Variants in GCNT1 observed in about 807,000 individuals in gnomAD.
The protein encoded by GCNT1 is glucosaminyl (N-acetyl) transferase 1.
A neutral mutation model predicts 26.2 loss-of-function variants in GCNT1; 16 were observed. That is an observed-to-expected ratio of 0.61 (90% CI 0.41 to 0.93). The LOEUF (loss-of-function observed/expected upper bound fraction) is 0.93, where lower values mean the gene tolerates loss of function less well. Ranked by LOEUF, GCNT1 falls within the 40% of genes least tolerant of loss-of-function variation. The pLI is 0.00. For missense variants in GCNT1, 477 were observed against 526.7 expected (o/e 0.91, Z 0.92); for synonymous variants, 183 against 190.8 (o/e 0.96, Z 0.34).
At chr9:76,477,381 C>G (rs1471875014) in intron 2 of GCNT1, among the ~76,000 whole-genome samples, 1 of 151,952 alleles carries the variant, frequency 6.6e-6, no homozygotes, top group African/African-American at 2.4e-5. Flanking sequence ...CAAAAATTAG[C>G]TAGGCATGGT....
At chr9:76,494,705 A>G (rs1824854414) in intron 2 of GCNT1, among the ~76,000 whole-genome samples, 1 of 152,220 alleles carries the variant, frequency 6.6e-6, no homozygotes, top group South Asian at 2.1e-4. Context: ...AATAGGGACT[A>G]GCCTCGGAGA....
chr9:76,472,951 G>A (rs961912109), intron 2 of GCNT1, among the ~76,000 whole-genome samples: 1 of 152,010 alleles, frequency 6.6e-6, no homozygotes, highest in African/African-American at 2.4e-5. Flanking sequence ...GTTTCACCAC[G>A]TTGGCCGGGG....
At chr9:76,435,541 G>C (rs1194841085) in intron 1 of GCNT1, among the ~76,000 whole-genome samples, 1 of 152,150 alleles carries the variant, frequency 6.6e-6, no homozygotes, top group African/African-American at 2.4e-5. Flanking sequence ...AGCAAGTTTG[G>C]TTTCTGGTGA....
chr9:76,444,325 G>A (rs545908587), intron 1 of GCNT1, among the ~76,000 whole-genome samples: 1 of 152,290 alleles, frequency 6.6e-6, no homozygotes, highest in African/African-American at 2.4e-5. Context: ...AACAGCATGA[G>A]GTTGGATGAG....
At chr9:76,436,302 G>A (rs1238938839) in intron 1 of GCNT1, among the ~76,000 whole-genome samples, 3 of 151,932 alleles carry the variant, frequency 2.0e-5, no homozygotes, top group Non-Finnish European at 4.4e-5. Context: ...TGGGAATTTG[G>A]GGGAAATTAC....
chr9:76,447,741 A>G (rs1823600838), intron 1 of GCNT1, among the ~76,000 whole-genome samples: 1 of 152,156 alleles, frequency 6.6e-6, no homozygotes, highest in African/African-American at 2.4e-5. Flanking sequence ...TTATATCTAG[A>G]ACATTCTTGT....
chr9:76,427,713 T>C (rs986911400), intron 1 of GCNT1, among the ~76,000 whole-genome samples: 10 of 152,234 alleles, frequency 6.6e-5, no homozygotes, highest in Non-Finnish European at 1.2e-4. Context: ...GTTTAGGAAA[T>C]GTTAGCTCTT....
rs1554734671 is a variant in GCNT1, at chr9:76,472,747, TTC to T, written c.-290+12572_-290+12573del. ...TTCTTTTCTTTTCTTTTCTTTTCTT[TTC>T]TTTTTTTTTTTTTTTTTGAGATGGA... is the stretch of plus-strand genomic sequence containing the variant. On this transcript the variant is annotated intron_variant, in intron 2 of 3. Transcript: ENST00000376730. 3.5e-3 allele frequency among the ~76,000 whole-genome samples: 150 copies of T among 43,262 alleles called. 3 individuals carry two copies. Among genetic ancestry groups the T allele is most frequent in the African/African-American group, 6.3e-3 (24 of 3,838 alleles). 28.4% of individuals were successfully genotyped at this position (43,262 alleles called of 152,430 possible).
chr9:76,421,654 G>T (rs1823196713), intron 1 of GCNT1, among the ~76,000 whole-genome samples: 4 of 114,238 alleles, frequency 3.5e-5, no homozygotes, highest in Admixed American at 9.0e-5. Flanking sequence ...ACAATTTAAT[G>T]TCTTATTGAT....
At chr9:76,487,569 T>C (rs553252676) in intron 2 of GCNT1, among the ~76,000 whole-genome samples, 1 of 152,242 alleles carries the variant, frequency 6.6e-6, no homozygotes, top group Non-Finnish European at 1.5e-5. Flanking sequence ...AGTTTTGTCT[T>C]CTTGAAGATG....
At chr9:76,417,658 G>A (rs1823144619), upstream of GCNT1, among the ~76,000 whole-genome samples, 1 of 152,180 alleles carries the variant, frequency 6.6e-6, no homozygotes, top group African/African-American at 2.4e-5. Context: ...GGGAGCCAAA[G>A]GCATCTGTAT....
rs1397099649 is a variant in GCNT1, at chr9:76,503,422, G to A, written c.1041G>A (p.Met347Ile). 6.2e-7 allele frequency: 1 copy of A among 1,614,164 alleles called. No homozygotes were observed. Among genetic ancestry groups the A allele is most frequent in the East Asian group, 2.2e-5 (1 of 44,882 alleles). ...PASHKYDLSDMQAVARFVKWQ... is the reference protein window; with the variant it reads ...PASHKYDLSDIQAVARFVKWQ... ...GCCATAAGTATGATCTGTCTGACAT[G>A]CAAGCAGTTGCCAGGTTTGTCAAGT... is the stretch of plus-strand genomic sequence containing the variant. Residue 347 changes from methionine (M) to isoleucine (I), a missense_variant, in exon 4 of 4, where the codon ATG (methionine) becomes ATA (isoleucine). Physicochemically the swap from Met to Ile is conservative, Grantham distance 10. Coordinates refer to ENST00000376730, the MANE Select transcript of GCNT1 (RefSeq NM_001490.5).
chr9:76,479,995 A>G (rs944086081), intron 2 of GCNT1, among the ~76,000 whole-genome samples: 5 of 152,198 alleles, frequency 3.3e-5, no homozygotes, highest in African/African-American at 1.2e-4. Context: ...TAGGTCTAAC[A>G]TTTAATTCTT....
chr9:76,393,880 C>T, the GCNT1 span: 5 of 554,898 alleles, frequency 9.0e-6, no homozygotes, highest in Non-Finnish European at 1.3e-5. Flanking sequence ...TCAACCCCGT[C>T]CCCGCGGAGC....
intron 1 of GCNT1, among the ~76,000 whole-genome samples, chr9:76,435,390 C>A (rs1303447323): frequency 6.6e-6 from 1 of 152,128 alleles, no homozygotes; most frequent in South Asian, 2.1e-4. Flanking sequence ...CCAGTTCCCC[C>A]ACTGGTCCCA....
At chr9:76,432,582 C>T (rs375298468) in intron 1 of GCNT1, among the ~76,000 whole-genome samples, 29 of 152,134 alleles carry the variant, frequency 1.9e-4, no homozygotes, top group African/African-American at 6.3e-4. Context: ...CTAGGTGATC[C>T]GCCTGCCTGG....
chr9:76,502,157 C>G, intron 3 of GCNT1, 82 bp from the exon 4 acceptor site: 1 of 70,134 alleles, frequency 1.4e-5, no homozygotes, highest in Non-Finnish European at 2.6e-5. Flanking sequence ...TTGTGAAAAA[C>G]TCTCTCTCTC....
At chr9:76,416,472 A>G (rs10125804), upstream of GCNT1, among the ~76,000 whole-genome samples, 2,549 of 152,330 alleles carry the variant, frequency 0.017, 68 homozygotes, top group African/African-American at 0.057. Flanking sequence ...ATGAATGGCA[A>G]CTGCTAAAAG....
the GCNT1 span, among the ~76,000 whole-genome samples, chr9:76,409,309 G>A: frequency 3.9e-5 from 6 of 152,204 alleles, no homozygotes; most frequent in Admixed American, 3.9e-4. Context: ...TATTTCTGAT[G>A]TTATTAAGTT....
Sources: gnomAD v4.1 joint callset for allele counts (sites outside exome capture counted in the v4.1 genomes callset) on GRCh38, gnomAD v4.1.1 for gene constraint, MANE v1.5 for transcripts, NCBI Gene and HGNC (gene_info 2026-07-23, HGNC 2026-07-21) for gene names.